OLA1: variants seen among roughly 807,000 people sequenced by gnomAD.
OLA1 encodes the protein Obg like ATPase 1.
A neutral mutation model predicts 48.4 loss-of-function variants in OLA1; 14 were observed. The observed-to-expected ratio is 0.29, with a 90% CI of 0.19 to 0.45. The LOEUF is 0.45. Ranked by LOEUF, OLA1 falls within the 20% of genes least tolerant of loss-of-function variation. The pLI is 1.00. For synonymous variants in OLA1, 127 were observed against 150.4 expected (o/e 0.84, Z 1.14); for missense variants, 325 against 467.1 (o/e 0.70, Z 2.80).
intron 2 of OLA1, among the ~76,000 whole-genome samples, chr2:174,245,688 GTTCAACACCAGCC>G (rs1471871651): frequency 6.6e-6 from 1 of 152,194 alleles, no homozygotes; most frequent in African/African-American, 2.4e-5. Context: ...GAGGTCAGGA[GTTCAACACCAGCC>G]TGGCCAACAT....
chr2:174,194,186 C>T (rs781768413), intron 4 of OLA1, among the ~76,000 whole-genome samples: 3 of 152,118 alleles, frequency 2.0e-5, no homozygotes, highest in South Asian at 2.1e-4. Context: ...TGTGCCACAT[C>T]GCATACTTTT....
chr2:174,082,791 T>C (rs1042337360), intron 7 of OLA1, among the ~76,000 whole-genome samples: 13 of 152,100 alleles, frequency 8.5e-5, no homozygotes, highest in African/African-American at 3.1e-4. Flanking sequence ...AAGACATTAT[T>C]GAGTCATTTT....
chr2:174,221,803 T>C (rs10202213), intron 4 of OLA1, among the ~76,000 whole-genome samples: 144,052 of 152,172 alleles, frequency 0.95, 68,701 homozygotes, highest in East Asian at 1. Flanking sequence ...CACTTCACTC[T>C]ACCTTCTCTA....
intron 2 of OLA1, among the ~76,000 whole-genome samples, chr2:174,238,487 C>T (rs1480669010): frequency 2.9e-5 from 3 of 104,384 alleles, no homozygotes; most frequent in Admixed American, 1.2e-4. Flanking sequence ...GAGTGAGACT[C>T]TATGTCCAAA....
chr2:174,211,808 G>C (rs1688250565), intron 4 of OLA1, among the ~76,000 whole-genome samples: 1 of 152,118 alleles, frequency 6.6e-6, no homozygotes, highest in Admixed American at 6.5e-5. Flanking sequence ...AGAAGTACTT[G>C]AAATATGGCT....
chr2:174,075,560 T>G, intron 10 of OLA1, 33 bp from the exon 11 acceptor site: 20 of 1,340,832 alleles, frequency 1.5e-5, no homozygotes, highest in Non-Finnish European at 1.9e-5. Context: ...AAATGGGTTA[T>G]TAGTTTACAA....
At chr2:174,216,715 C>T (rs1456975715) in intron 4 of OLA1, among the ~76,000 whole-genome samples, 2 of 151,830 alleles carry the variant, frequency 1.3e-5, no homozygotes, top group African/African-American at 4.8e-5. Context: ...ACAATGCTGG[C>T]TAATGTTATC....
chr2:174,215,361 T>C (rs1385299609), intron 4 of OLA1, among the ~76,000 whole-genome samples: 3 of 152,208 alleles, frequency 2.0e-5, no homozygotes, highest in Non-Finnish European at 4.4e-5. Context: ...ATGCTTTACA[T>C]AACAAATTTA....
At chr2:174,170,148 G>A (rs1687261771) in intron 4 of OLA1, among the ~76,000 whole-genome samples, 1 of 152,176 alleles carries the variant, frequency 6.6e-6, no homozygotes, top group Admixed American at 6.5e-5. Context: ...CAGGAGAATG[G>A]CGTGAACCCG....
At chr2:174,124,753 A>G (rs1686008193) in intron 5 of OLA1, among the ~76,000 whole-genome samples, 1 of 152,206 alleles carries the variant, frequency 6.6e-6, no homozygotes, top group African/African-American at 2.4e-5. Context: ...GATTTTTATC[A>G]ATGTATTTTA....
At chr2:174,116,787 C>T (rs1163270986) in intron 7 of OLA1, among the ~76,000 whole-genome samples, 6 of 152,174 alleles carry the variant, frequency 3.9e-5, no homozygotes, top group Non-Finnish European at 7.4e-5. Context: ...ATCTTTAATT[C>T]TTTACTAACT....
intron 7 of OLA1, among the ~76,000 whole-genome samples, chr2:174,102,367 C>T (rs1183131695): frequency 6.6e-6 from 1 of 151,534 alleles, no homozygotes; most frequent in Non-Finnish European, 1.5e-5. Context: ...ATTACTAATC[C>T]CTAGGGAAGA....
chr2:174,140,494 A>C (rs1430899610), intron 5 of OLA1, among the ~76,000 whole-genome samples: 2 of 151,584 alleles, frequency 1.3e-5, no homozygotes, highest in Non-Finnish European at 2.9e-5. Flanking sequence ...CAGCCTCCTC[A>C]GTAGGTGAGA....
intron 7 of OLA1, among the ~76,000 whole-genome samples, chr2:174,119,187 T>C (rs141930057): frequency 0.011 from 1,671 of 152,114 alleles, 24 homozygotes; most frequent in South Asian, 0.064. Flanking sequence ...AGATCATTTT[T>C]CTTTATCATA....
chr2:174,209,308 C>T (rs1688188335), intron 4 of OLA1, among the ~76,000 whole-genome samples: 1 of 152,150 alleles, frequency 6.6e-6, no homozygotes, highest in South Asian at 2.1e-4. Context: ...ATCTATATAA[C>T]CTGACCCAAA....
rs759582875 is a variant in OLA1, at chr2:174,246,850, T to G, written c.1-35A>C. The G allele has an allele frequency of 2.2e-6, 3 of 1,338,176 alleles. No homozygotes were observed. The African/African-American group carries it at 4.3e-5, about 19-fold the overall frequency. The allele number at this position is 1,338,176 out of a possible 1,614,324, so 82.9% of individuals were successfully genotyped here. On this transcript the variant is annotated intron_variant, in intron 1 of 10. Transcript: ENST00000284719. ...CAAAGCAAACATATGAACAAAACTTTTTACTATCCACATGGACCCAAAACA... is the reference window on the plus strand; with the variant it reads ...CAAAGCAAACATATGAACAAAACTTGTTACTATCCACATGGACCCAAAACA...
At chr2:174,126,674 T>G (rs1686051733) in intron 5 of OLA1, among the ~76,000 whole-genome samples, 1 of 152,184 alleles carries the variant, frequency 6.6e-6, no homozygotes, top group African/African-American at 2.4e-5. Context: ...CTAGGGAGTG[T>G]TGTGAAGATT....
Position 174,193,091 on chromosome 2 carries a change from C to CTTTT in OLA1, c.373+29938_373+29941dup, listed in dbSNP as rs34103927. 1.6e-3 allele frequency among the ~76,000 whole-genome samples: 223 copies of CTTTT among 137,930 alleles called. 1 individual carries two copies. Among genetic ancestry groups the CTTTT allele is most frequent in the African/African-American group, 5.6e-3 (208 of 37,244 alleles). 90.5% of individuals were successfully genotyped at this position (137,930 alleles called of 152,430 possible). A position where few individuals can be genotyped will look rare whatever the true frequency, so the allele number is the denominator to read the frequency against. On this transcript the variant is annotated intron_variant, in intron 4 of 10. Coordinates refer to ENST00000284719, the MANE Select transcript of OLA1 (RefSeq NM_013341.5). ...TATTTCTTAAAATATTTCTTTCTTT[C>CTTTT]TTTTTTTTTTTTTTTGAGATGGGGG...
chr2:174,147,352 G>A (rs1686630167), intron 4 of OLA1, among the ~76,000 whole-genome samples: 1 of 151,026 alleles, frequency 6.6e-6, no homozygotes, highest in Non-Finnish European at 1.5e-5. Flanking sequence ...GCTTGAACCC[G>A]GGAGGCAGAG....
Sources: allele counts gnomAD v4.1 joint callset (sites outside exome capture counted in the v4.1 genomes callset), GRCh38; gene constraint gnomAD v4.1.1; transcripts MANE v1.5; gene names NCBI Gene and HGNC (gene_info 2026-07-23, HGNC 2026-07-21).